PPP4R1: variants seen among roughly 807,000 people sequenced by gnomAD.
The protein encoded by PPP4R1 is protein phosphatase 4 regulatory subunit 1, also known as serine/threonine-protein phosphatase 4 regulatory subunit 1.
Under a neutral mutation model 111.2 loss-of-function variants are expected in PPP4R1, and 42 were observed. The ratio of observed to expected loss-of-function variants is 0.38; its 90% CI spans 0.29 to 0.49. The LOEUF (loss-of-function observed/expected upper bound fraction) is 0.49, where lower values mean the gene tolerates loss of function less well. Among genes scored for constraint, PPP4R1 ranks in the 20% least tolerant of loss-of-function variants. The pLI is 0.97. For missense variants in PPP4R1, 1,012 were observed against 1,161.6 expected, an observed-to-expected ratio of 0.87 and a Z score of 1.87; for synonymous variants, 409 against 405.5, an observed-to-expected ratio of 1.01 and a Z score of -0.10.
At chr18:9,616,696 T>TA (rs2067691986), upstream of PPP4R1, among the ~76,000 whole-genome samples, 1 of 152,224 alleles carries the variant, frequency 6.6e-6, no homozygotes, top group African/African-American at 2.4e-5. Flanking sequence ...ACAGTTGAGT[T>TA]AGACTTAACA....
chr18:9,579,438 T>G (rs995586946), intron 9 of PPP4R1, among the ~76,000 whole-genome samples: 3 of 152,136 alleles, frequency 2.0e-5, no homozygotes, highest in African/African-American at 7.2e-5. Flanking sequence ...GATTATAACC[T>G]TCCCCAAATG....
At chr18:9,549,422 C>T in intron 18 of PPP4R1, 84 bp from the exon 19 acceptor site, 2 of 1,497,024 alleles carry the variant, frequency 1.3e-6, no homozygotes, top group South Asian at 1.2e-5. Flanking sequence ...CTCTGAGTGA[C>T]CACAGGTACA....
In PPP4R1 at chr18:9,573,053, T is replaced by A. The variant is rs1335601642; in HGVS notation, c.1047-2370A>T. Among the ~76,000 whole-genome samples, 3 of 152,352 alleles carry A rather than the reference T, an allele frequency of 2.0e-5. No homozygotes were observed. The East Asian group carries it at 5.8e-4, about 29-fold the overall frequency. ...GAGTTGGCCTAGATAACCTGTAAGA[T>A]GTTTTCCCACTCCAAAGGAGCTCCT... On this transcript the variant is annotated intron_variant, in intron 10 of 19. Coordinates refer to ENST00000400556, the MANE Select transcript of PPP4R1 (RefSeq NM_001042388.3).
intron 2 of PPP4R1, among the ~76,000 whole-genome samples, chr18:9,603,499 A>C (rs537290309): frequency 6.6e-5 from 10 of 152,254 alleles, no homozygotes; most frequent in African/African-American, 2.4e-4. Flanking sequence ...GGAAATTCAA[A>C]TTTTTAATTT....
chr18:9,572,496 C>T (rs889958541), intron 10 of PPP4R1, among the ~76,000 whole-genome samples: 1 of 152,136 alleles, frequency 6.6e-6, no homozygotes, highest in African/African-American at 2.4e-5. Flanking sequence ...AAGAGACTTG[C>T]TTCCCAAGAA....
intron 19 of PPP4R1, among the ~76,000 whole-genome samples, chr18:9,548,391 G>A (rs1349487560): frequency 6.9e-6 from 1 of 143,922 alleles, no homozygotes; most frequent in Non-Finnish European, 1.5e-5. Context: ...TTTATGAGGT[G>A]TTTTGGGCGG....
chr18:9,547,853 C>T lies in PPP4R1; in HGVS notation c.2789G>A (p.Ser930Asn). ...GATTTTGGTACTGGCAGGGTGGATG[C>T]TTGCAAAATACTTGACATCGCTGTC... ...DRDSDVKYFA[S>N]IHPASTKISE... Residue 930 changes from serine (S) to asparagine (N), a missense_variant, in exon 20 of 20, where the codon AGC (serine) becomes AAC (asparagine). Around this residue, in one of 2 missense-constraint regions of PPP4R1, gnomAD observed 305 missense variants for 419.5 expected, o/e 0.73. Transcript: ENST00000400556. The T allele has an allele frequency of 3.1e-6, 5 of 1,613,668 alleles. No individual in the cohort carries two copies. The highest frequency in any genetic ancestry group is 4.2e-6 in the Non-Finnish European group (5 of 1,180,022).
intron 4 of PPP4R1, among the ~76,000 whole-genome samples, chr18:9,589,622 T>C (rs1331538650): frequency 1.3e-5 from 2 of 151,848 alleles, no homozygotes; most frequent in Non-Finnish European, 2.9e-5. Context: ...AAAAACTTTA[T>C]TATAGGCTGG....
chr18:9,603,510 CTTT>C, intron 2 of PPP4R1, among the ~76,000 whole-genome samples: 1 of 152,092 alleles, frequency 6.6e-6, no homozygotes, highest in East Asian at 1.9e-4. Flanking sequence ...TTTTTAATTT[CTTT>C]TTATTTTTTA....
At chr18:9,578,160 G>A (rs896203127) in intron 9 of PPP4R1, among the ~76,000 whole-genome samples, 1 of 152,156 alleles carries the variant, frequency 6.6e-6, no homozygotes, top group African/African-American at 2.4e-5. Flanking sequence ...GACACAATCG[G>A]ACAAAGGCAA....
intron 11 of PPP4R1, among the ~76,000 whole-genome samples, chr18:9,565,233 T>C (rs1382983484): frequency 6.6e-6 from 1 of 152,230 alleles, no homozygotes; most frequent in Non-Finnish European, 1.5e-5. Context: ...AGCTGCTAAC[T>C]AGCCATACAA....
chr18:9,600,590 G>A (rs531438760), intron 2 of PPP4R1, among the ~76,000 whole-genome samples: 1 of 152,276 alleles, frequency 6.6e-6, no homozygotes, highest in African/African-American at 2.4e-5. Flanking sequence ...AAGAAAGCTG[G>A]AGGCCGGGTG....
intron 19 of PPP4R1, among the ~76,000 whole-genome samples, 173 bp from the exon 20 acceptor site, chr18:9,548,125 A>G (rs1194985556): frequency 1.3e-5 from 2 of 152,226 alleles, no homozygotes; most frequent in African/African-American, 4.8e-5. Flanking sequence ...AAAGTGCCAG[A>G]ATAAAAAGAG....
intron 2 of PPP4R1, among the ~76,000 whole-genome samples, chr18:9,609,519 C>T (rs919158456): frequency 8.5e-5 from 13 of 152,166 alleles, no homozygotes; most frequent in South Asian, 2.1e-4. Flanking sequence ...ACTTCAACAC[C>T]GCCCTTAAAC....
intron 10 of PPP4R1, among the ~76,000 whole-genome samples, chr18:9,573,698 A>G (rs2066896269): frequency 6.6e-6 from 1 of 152,162 alleles, no homozygotes; most frequent in African/African-American, 2.4e-5. Flanking sequence ...CCTGGGCTGA[A>G]GCGATCCTCC....
chr18:9,553,540 G>C, intron 15 of PPP4R1, 118 bp from the exon 16 acceptor site: 1 of 660,892 alleles, frequency 1.5e-6, no homozygotes, highest in South Asian at 1.9e-5. Flanking sequence ...AGGAAATGTA[G>C]TAGCTGTATT....
intron 16 of PPP4R1, 94 bp from the exon 17 acceptor site, chr18:9,550,492 C>T (rs2066471729): frequency 1.5e-6 from 2 of 1,372,486 alleles, no homozygotes; most frequent in Non-Finnish European, 2.0e-6. Flanking sequence ...TACTGGATTA[C>T]TGAGCACCTG....
chr18:9,577,234 A>G, intron 9 of PPP4R1, 43 bp from the exon 10 acceptor site: 2 of 1,548,514 alleles, frequency 1.3e-6, no homozygotes, highest in Non-Finnish European at 8.8e-7. Context: ...TCATTTTGAA[A>G]AAGAATTATA....
rs3974278 is a variant in PPP4R1 at position 9,579,517 on chromosome 18, C to CGTGTGTGTGTGT, written c.919-2338_919-2327dup. Among the ~76,000 whole-genome samples, 1,213 of 147,856 alleles carry CGTGTGTGTGTGT rather than the reference C, an allele frequency of 8.2e-3. 17 individuals are homozygous for CGTGTGTGTGTGT. Among genetic ancestry groups the CGTGTGTGTGTGT allele is most frequent in the African/African-American group, 0.028 (1,126 of 40,012 alleles). On this transcript the variant is annotated intron_variant, in intron 9 of 19. Coordinates refer to ENST00000400556, the MANE Select transcript of PPP4R1 (RefSeq NM_001042388.3). Reference sequence around the variant, plus strand: ...CACCTAAATAGGCATAGGATTTACACGTGTGTGTGTGTGTGTGTGTGTGTG... The same window carrying CGTGTGTGTGTGT: ...CACCTAAATAGGCATAGGATTTACACGTGTGTGTGTGTGTGTGTGTGTGTGTGTGTGTGTGTG...
Sources: gnomAD v4.1 joint callset for allele counts (sites outside exome capture counted in the v4.1 genomes callset) on GRCh38, gnomAD v4.1.1 for gene constraint, gnomAD v4.1.1 regional missense constraint, MANE v1.5 for transcripts, NCBI Gene and HGNC (gene_info 2026-07-23, HGNC 2026-07-21) for gene names.